DIAPH2: variants seen among roughly 807,000 people sequenced by gnomAD.
The protein encoded by DIAPH2 is diaphanous related formin 2, also known as protein diaphanous homolog 2.
Under a neutral mutation model 92.7 loss-of-function variants are expected in DIAPH2, and 35 were observed. The ratio of observed to expected loss-of-function variants is 0.38; its 90% CI spans 0.29 to 0.50. The LOEUF (loss-of-function observed/expected upper bound fraction) is 0.50. DIAPH2 is among the 20% of genes least tolerant of loss of function. The pLI, the probability that DIAPH2 is intolerant of heterozygous loss-of-function variation, is 0.94. For synonymous variants in DIAPH2, 301 were observed against 280.4 expected (o/e 1.07, Z -0.73); for missense variants, 701 against 819.5 (o/e 0.86, Z 1.77).
At chrX:97,129,135 T>C (rs765926160) in intron 21 of DIAPH2, among the ~76,000 whole-genome samples, 184 of 93,428 alleles carry the variant, frequency 2.0e-3, no homozygotes, top group African/African-American at 7.4e-3. Context: ...TCTTTTCTTT[T>C]CTTTTCTTTT....
At chrX:97,425,580 GC>G (rs1312019861) in intron 25 of DIAPH2, among the ~76,000 whole-genome samples, 3 of 109,476 alleles carry the variant, frequency 2.7e-5, no homozygotes, top group African/African-American at 1.0e-4. Context: ...TTTGAGACCA[GC>G]CTGGCCAACA....
chrX:96,982,192 A>G (rs990770401), intron 17 of DIAPH2, among the ~76,000 whole-genome samples: 2 of 112,049 alleles, frequency 1.8e-5, no homozygotes, highest in African/African-American at 3.2e-5. Context: ...TATTAATACT[A>G]TTCTGATTTC....
At position 97,094,737 on chromosome X, in the gene DIAPH2, A is replaced by G. The variant is rs779951157; in HGVS notation, c.2248-4957A>G. On this transcript the variant is annotated intron_variant, in intron 19 of 26. Transcript: ENST00000324765. ...ATGTTGATTGTGTTCCATTGTGTAA[A>G]CAAGAACATACACAGCCCTTTTGGC... Among the ~76,000 whole-genome samples, 35 of 112,417 alleles carry G rather than the reference A, an allele frequency of 3.1e-4. 1 individual carries two copies. Among genetic ancestry groups the G allele is most frequent in the East Asian group, 1.4e-3 (5 of 3,590 alleles).
At chrX:97,312,345 C>CATTTTTTTTTTTTTTTTTTTTT (rs202046146) in intron 23 of DIAPH2, among the ~76,000 whole-genome samples, 3 of 54,945 alleles carry the variant, frequency 5.5e-5, no homozygotes, top group Non-Finnish European at 3.1e-5. Context: ...CAATAGAATC[C>CATTTTTTTTTTTTTTTTTTTTT]TTTTTTTTTT....
chrX:96,964,902 C>T (rs989277855), intron 16 of DIAPH2, among the ~76,000 whole-genome samples, 191 bp from the exon 17 acceptor site: 4 of 111,091 alleles, frequency 3.6e-5, no homozygotes, highest in Non-Finnish European at 7.6e-5. Flanking sequence ...TATTGTTCAC[C>T]ATTTCGTCAC....
chrX:97,581,120 G>A (rs1366233217), intron 26 of DIAPH2, among the ~76,000 whole-genome samples: 1 of 102,492 alleles, frequency 9.8e-6, no homozygotes, highest in African/African-American at 3.5e-5. Context: ...CAAAAAACCA[G>A]CTCCTGGATT....
chrX:96,875,812 A>G (rs2065174704), intron 4 of DIAPH2, among the ~76,000 whole-genome samples: 1 of 111,799 alleles, frequency 8.9e-6, no homozygotes, highest in Non-Finnish European at 1.9e-5. Context: ...ATAAAACCCT[A>G]GAAGAAAACC....
In DIAPH2 at chrX:97,247,871, G is replaced by A. The variant is rs200377848; in HGVS notation, c.2844+32G>A. On this transcript the variant is annotated intron_variant, in intron 23 of 26. Transcript: ENST00000324765. ...TTTATTTATTTAAGCATTTTGTCTAGTTTTTAGTCTCTATGTCTGTCTGTT... is the reference window on the plus strand; with the variant it reads ...TTTATTTATTTAAGCATTTTGTCTAATTTTTAGTCTCTATGTCTGTCTGTT... 119 of 1,175,507 alleles carry A rather than the reference G, an allele frequency of 1.0e-4. No individual in the cohort carries two copies. The East Asian group carries it at 2.9e-3, about 28-fold the overall frequency.
intron 26 of DIAPH2, among the ~76,000 whole-genome samples, chrX:97,440,530 T>G (rs1273567856): frequency 9.8e-6 from 1 of 101,708 alleles, no homozygotes; most frequent in Admixed American, 1.1e-4. Flanking sequence ...AGGTGGAGGT[T>G]GCAGTGAGCC....
chrX:97,269,135 G>T (rs181755828), intron 23 of DIAPH2, among the ~76,000 whole-genome samples: 4 of 111,862 alleles, frequency 3.6e-5, no homozygotes, highest in Non-Finnish European at 7.5e-5. Context: ...GATTACAGGC[G>T]TGAGCCACCG....
chrX:97,423,906 A>G (rs1236241000), intron 25 of DIAPH2, among the ~76,000 whole-genome samples: 3 of 111,860 alleles, frequency 2.7e-5, no homozygotes, highest in African/African-American at 9.7e-5. Flanking sequence ...GAACTCGTAG[A>G]CCAAAAAAAA....
At chrX:96,992,003 C>T (rs976334322) in intron 17 of DIAPH2, among the ~76,000 whole-genome samples, 1 of 110,164 alleles carries the variant, frequency 9.1e-6, no homozygotes, top group South Asian at 4.1e-4. Context: ...CAAAGGGTTT[C>T]CTTCACTGTC....
intron 17 of DIAPH2, among the ~76,000 whole-genome samples, chrX:96,985,579 T>C (rs1249111918): frequency 2.7e-5 from 3 of 110,913 alleles, no homozygotes; most frequent in Non-Finnish European, 3.8e-5. Context: ...TTATAAGCAA[T>C]TGCTATGTTT....
intron 23 of DIAPH2, among the ~76,000 whole-genome samples, chrX:97,293,243 C>CTTTTTTTT (rs1184478622): frequency 1.1e-4 from 7 of 63,201 alleles, no homozygotes; most frequent in Non-Finnish European, 1.5e-4. Flanking sequence ...ATATTTCTTT[C>CTTTTTTTT]TTTTTTTTTT....
chrX:96,807,053 T>G (rs765289027), intron 4 of DIAPH2, among the ~76,000 whole-genome samples: 1 of 112,320 alleles, frequency 8.9e-6, no homozygotes, highest in East Asian at 2.8e-4. Flanking sequence ...TGGTTTCTGT[T>G]AAACTGGACA....
intron 24 of DIAPH2, among the ~76,000 whole-genome samples, chrX:97,354,174 T>A (rs983790997): frequency 1.8e-5 from 2 of 111,295 alleles, no homozygotes; most frequent in African/African-American, 6.5e-5. Context: ...TTTGAATTCC[T>A]GGCTTCAACC....
chrX:97,374,373 T>C (rs745959499), intron 24 of DIAPH2, among the ~76,000 whole-genome samples: 1 of 112,076 alleles, frequency 8.9e-6, no homozygotes, highest in African/African-American at 3.2e-5. Context: ...CTAACTACAG[T>C]ATCAATACAT....
chrX:96,778,495 C>T (rs1017401422), intron 4 of DIAPH2, among the ~76,000 whole-genome samples: 1 of 110,542 alleles, frequency 9.0e-6, no homozygotes, highest in African/African-American at 3.3e-5. Flanking sequence ...GTCTCTCTTA[C>T]GAACAGGGAC....
At chrX:97,494,031 A>G (rs764710885) in intron 26 of DIAPH2, among the ~76,000 whole-genome samples, 4 of 109,186 alleles carry the variant, frequency 3.7e-5, no homozygotes, top group East Asian at 5.7e-4. Flanking sequence ...AGCCTGGCCA[A>G]CATAGGGAAA....
Sources: gnomAD v4.1 joint callset for allele counts (sites outside exome capture counted in the v4.1 genomes callset) on GRCh38, gnomAD v4.1.1 for gene constraint, MANE v1.5 for transcripts, NCBI Gene and HGNC (gene_info 2026-07-23, HGNC 2026-07-21) for gene names.